TMEM108: variants seen among roughly 807,000 people sequenced by gnomAD.
TMEM108 encodes transmembrane protein 108.
In TMEM108, 12 loss-of-function variants were observed where a neutral mutation model predicts 35.1. That is an observed-to-expected ratio of 0.34 (90% CI 0.22 to 0.55). The LOEUF (loss-of-function observed/expected upper bound fraction) is 0.55, where lower values mean the gene tolerates loss of function less well. Ranked by LOEUF, TMEM108 falls within the 20% of genes least tolerant of loss-of-function variation. The pLI, the probability that TMEM108 is intolerant of heterozygous loss-of-function variation, is 0.89. For missense variants in TMEM108, 680 were observed against 753.3 expected (o/e 0.90, Z 1.14); for synonymous variants, 287 against 308.6 (o/e 0.93, Z 0.73).
intron 4 of TMEM108, among the ~76,000 whole-genome samples, chr3:133,384,538 T>G (rs574649397): frequency 6.6e-6 from 1 of 152,312 alleles, no homozygotes; most frequent in Non-Finnish European, 1.5e-5. Flanking sequence ...TGCCAGACAC[T>G]CTAAGCCACG....
At chr3:133,285,359 A>T (rs377041120) in intron 3 of TMEM108, among the ~76,000 whole-genome samples, 59 of 152,280 alleles carry the variant, frequency 3.9e-4, no homozygotes, top group African/African-American at 1.3e-3. Context: ...AGTGGAAGAT[A>T]ATTTATTTTT....
intron 2 of TMEM108, among the ~76,000 whole-genome samples, chr3:133,180,509 G>C (rs1425476095): frequency 2.6e-5 from 4 of 151,718 alleles, no homozygotes; most frequent in Non-Finnish European, 5.9e-5. Context: ...TACTAGATTA[G>C]AATTTAGTTC....
intron 2 of TMEM108, among the ~76,000 whole-genome samples, chr3:133,066,921 TG>T (rs150278342): frequency 0.015 from 2,359 of 152,324 alleles, 57 homozygotes; most frequent in African/African-American, 0.054. Flanking sequence ...ATAATGTGCA[TG>T]TTTTTTTCTG....
rs575464475 is a variant in TMEM108 at position 133,323,350 on chromosome 3, G to A, written c.41-56402G>A. On this transcript the variant is annotated intron_variant, in intron 3 of 5. Coordinates refer to ENST00000321871, the MANE Select transcript of TMEM108 (RefSeq NM_023943.4). ...TAAAGTTTCAGAATACAAAATCAAT[G>A]TACACAAATCAGTAGCACTGCTATA... Among the ~76,000 whole-genome samples the A allele has an allele frequency of 1.2e-4, 19 of 152,222 alleles. No individual in the cohort carries two copies. The South Asian group carries it at 3.7e-3, about 30-fold the overall frequency.
At chr3:133,300,602 G>T (rs750354628) in intron 3 of TMEM108, among the ~76,000 whole-genome samples, 1 of 152,094 alleles carries the variant, frequency 6.6e-6, no homozygotes, top group Non-Finnish European at 1.5e-5. Context: ...GACGCAGAGA[G>T]CCTTTTTGTG....
At chr3:133,080,437 A>G (rs369583743) in intron 2 of TMEM108, among the ~76,000 whole-genome samples, 7 of 152,330 alleles carry the variant, frequency 4.6e-5, no homozygotes, top group East Asian at 1.9e-4. Context: ...ATGTAAGGAC[A>G]TATGTTGGTT....
chr3:133,061,641 A>C (rs1485335538), intron 2 of TMEM108, among the ~76,000 whole-genome samples: 1 of 152,236 alleles, frequency 6.6e-6, no homozygotes, highest in Non-Finnish European at 1.5e-5. Context: ...CATTGCTTTC[A>C]TAGAGCATTT....
intron 3 of TMEM108, among the ~76,000 whole-genome samples, chr3:133,284,790 C>G (rs938431482): frequency 1.3e-5 from 2 of 152,202 alleles, no homozygotes; most frequent in Admixed American, 6.5e-5. Flanking sequence ...GAATTATCTA[C>G]AACCCTCCTT....
intron 2 of TMEM108, among the ~76,000 whole-genome samples, chr3:133,182,393 A>C (rs1377953390): frequency 6.6e-6 from 1 of 152,122 alleles, no homozygotes; most frequent in East Asian, 1.9e-4. Flanking sequence ...GCTGAGTATC[A>C]CCCTTCAGAG....
chr3:133,371,249 A>G (rs546014565), intron 3 of TMEM108, among the ~76,000 whole-genome samples: 110 of 152,272 alleles, frequency 7.2e-4, no homozygotes, highest in African/African-American at 2.5e-3. Context: ...ATCAATAACA[A>G]TCATTCATTT....
intron 4 of TMEM108, among the ~76,000 whole-genome samples, chr3:133,382,555 G>A (rs771396333): frequency 2.0e-4 from 30 of 152,334 alleles, no homozygotes; most frequent in African/African-American, 4.3e-4. Flanking sequence ...ACGGAAGAGG[G>A]AGCCGATGGT....
intron 2 of TMEM108, among the ~76,000 whole-genome samples, chr3:133,157,066 A>G (rs1319400345): frequency 6.6e-6 from 1 of 152,210 alleles, no homozygotes; most frequent in Admixed American, 6.5e-5. Context: ...GTCTGGCTAG[A>G]ATGTTTACCA....
At chr3:133,038,570 G>A in intron 1 of TMEM108, 135 bp downstream of exon 1, 1 of 152,548 alleles carries the variant, frequency 6.6e-6, no homozygotes. Flanking sequence ...GGAGGATGCA[G>A]CCCCGGTTGC....
At chr3:133,266,194 T>G (rs1946694461) in intron 3 of TMEM108, among the ~76,000 whole-genome samples, 1 of 149,322 alleles carries the variant, frequency 6.7e-6, no homozygotes, top group Non-Finnish European at 1.5e-5. Flanking sequence ...TGCTGTTAGG[T>G]TTTTTTTGTT....
intron 3 of TMEM108, among the ~76,000 whole-genome samples, chr3:133,300,985 C>CGT (rs1265409416): frequency 0.072 from 225 of 3,144 alleles, 3 homozygotes; most frequent in Admixed American, 0.13. Flanking sequence ...TACACACACA[C>CGT]ACACACACAC....
At chr3:133,293,898 T>C (rs894620085) in intron 3 of TMEM108, among the ~76,000 whole-genome samples, 6 of 152,168 alleles carry the variant, frequency 3.9e-5, no homozygotes, top group African/African-American at 1.4e-4. Context: ...ATTTTAAAAT[T>C]GCATCCAGTG....
Position 133,221,660 on chromosome 3 carries a change from CTTTTTTT to C in TMEM108, c.-46-7589_-46-7583del, listed in dbSNP as rs3078806. 8.3e-5 allele frequency among the ~76,000 whole-genome samples: 5 copies of C among 60,356 alleles called. No homozygotes were observed. In the East Asian group the frequency reaches 2.5e-3, roughly 30 times the overall value. The allele number at this position is 60,356 out of a possible 152,430, so 39.6% of individuals were successfully genotyped here. The stretch of plus-strand genomic sequence containing the variant: ...TGGCATACATTGATTACATTGATTC[CTTTTTTT>C]TTTTTTTTTTTTTTTTCACTTTTGT... On this transcript the variant is annotated intron_variant, in intron 2 of 5. Coordinates refer to ENST00000321871, the MANE Select transcript of TMEM108 (RefSeq NM_023943.4).
chr3:133,048,816 C>T (rs1943369677), intron 2 of TMEM108, among the ~76,000 whole-genome samples: 2 of 152,118 alleles, frequency 1.3e-5, no homozygotes, highest in Non-Finnish European at 2.9e-5. Context: ...GAAAGAGGCA[C>T]TTTGGTGTGG....
intron 2 of TMEM108, among the ~76,000 whole-genome samples, chr3:133,116,547 C>T (rs1390649234): frequency 1.3e-5 from 2 of 151,584 alleles, no homozygotes; most frequent in African/African-American, 4.8e-5. Context: ...TTTTTTTGTA[C>T]CCTGGCTATG....
Sources: gnomAD v4.1 joint callset for allele counts (sites outside exome capture counted in the v4.1 genomes callset) on GRCh38, gnomAD v4.1.1 for gene constraint, MANE v1.5 for transcripts, NCBI Gene and HGNC (gene_info 2026-07-23, HGNC 2026-07-21) for gene names.